The following NTN1 variants were observed in gnomAD, a reference collection of about 807,000 sequenced individuals.
NTN1 encodes netrin 1, also known as netrin-1.
NTN1 carries 11 observed loss-of-function variants against 54.2 expected under a neutral mutation model. The ratio of observed to expected loss-of-function variants is 0.20; its 90% CI spans 0.13 to 0.34. NTN1 has a LOEUF of 0.34. Among genes scored for constraint, NTN1 ranks in the 10% least tolerant of loss-of-function variants. The pLI is 1.00. For missense variants in NTN1, 740 were observed against 893.1 expected (o/e 0.83, Z 2.18); for synonymous variants, 371 against 382.0 (o/e 0.97, Z 0.33).
At chr17:9,081,106 C>A (rs552768337) in intron 2 of NTN1, among the ~76,000 whole-genome samples, 2 of 152,252 alleles carry the variant, frequency 1.3e-5, no homozygotes, top group East Asian at 3.9e-4. Flanking sequence ...TGGGGGCAGT[C>A]TTATGCGACT....
intron 2 of NTN1, among the ~76,000 whole-genome samples, chr17:9,160,362 C>T (rs1475047926): frequency 6.6e-6 from 1 of 152,086 alleles, no homozygotes; most frequent in Non-Finnish European, 1.5e-5. Context: ...ACCTTGGCCT[C>T]TCAAAGTGCT....
intron 6 of NTN1, among the ~76,000 whole-genome samples, chr17:9,223,122 T>C (rs1222863448): frequency 2.0e-5 from 3 of 152,208 alleles, no homozygotes; most frequent in Non-Finnish European, 2.9e-5. Flanking sequence ...TTAAGCTGTA[T>C]ACATCCCAGG....
Position 9,022,722 on chromosome 17 carries a change from C to T in NTN1, c.349C>T (p.Leu117=). 1 of 1,605,254 alleles carries T rather than the reference C, an allele frequency of 6.2e-7. No homozygotes were observed. Among genetic ancestry groups the T allele is most frequent in the Non-Finnish European group, 8.5e-7 (1 of 1,176,682 alleles). Residue 117 remains leucine (L), a synonymous_variant, in exon 2 of 7, where the codon CTG becomes TTG. Coordinates refer to ENST00000173229, the MANE Select transcript of NTN1 (RefSeq NM_004822.3). ...CACCGACCTCAACAACCCGCACAAC[C>T]TGACGTGCTGGCAGTCCGAGAACTA... ...FLTDLNNPHN[L]TCWQSENYLQ...
chr17:9,141,981 A>G (rs2092299297), intron 2 of NTN1, among the ~76,000 whole-genome samples: 1 of 152,120 alleles, frequency 6.6e-6, no homozygotes, highest in South Asian at 2.1e-4. Context: ...TCTACTAAAA[A>G]TACAAAAAAT....
intron 3 of NTN1, among the ~76,000 whole-genome samples, chr17:9,170,479 A>G (rs1197926189): frequency 6.6e-6 from 1 of 152,204 alleles, no homozygotes; most frequent in Non-Finnish European, 1.5e-5. Flanking sequence ...GCTCAGCCCC[A>G]GTGTGGACTT....
Position 9,103,465 on chromosome 17 carries a change from C to T in NTN1, c.1019-59348C>T, listed in dbSNP as rs192882336. On this transcript the variant is annotated intron_variant, in intron 2 of 6. Transcript: ENST00000173229. ...GTTCTCATGATAGTGAGTGAGTTCT[C>T]ATGAGATCTGATGGTTTTATAAGGG... Among the ~76,000 whole-genome samples, 4 of 152,212 alleles carry T rather than the reference C, an allele frequency of 2.6e-5. No homozygotes were observed. In the East Asian group the frequency reaches 5.8e-4, roughly 22 times the overall value.
intron 5 of NTN1, among the ~76,000 whole-genome samples, chr17:9,193,647 G>A (rs1033598265): frequency 6.6e-6 from 1 of 152,294 alleles, no homozygotes; most frequent in East Asian, 1.9e-4. Flanking sequence ...ATGCGGCTGG[G>A]CACGGTGGCT....
intron 2 of NTN1, among the ~76,000 whole-genome samples, chr17:9,095,291 C>G (rs1193598901): frequency 1.3e-5 from 2 of 152,132 alleles, no homozygotes; most frequent in African/African-American, 2.4e-5. Flanking sequence ...ATGCTTTTTA[C>G]TTTTATATAA....
chr17:9,006,615 A>AT, the NTN1 span, among the ~76,000 whole-genome samples: 39 of 152,332 alleles, frequency 2.6e-4, no homozygotes, highest in African/African-American at 8.7e-4. Flanking sequence ...TGCAACATGA[A>AT]TCTTCTTTAT....
At chr17:9,155,923 T>C in intron 2 of NTN1, among the ~76,000 whole-genome samples, 1 of 152,198 alleles carries the variant, frequency 6.6e-6, no homozygotes, top group South Asian at 2.1e-4. Context: ...CACTGCCAGA[T>C]GTCCACTGGG....
chr17:9,167,280 T>C (rs1016602774), intron 3 of NTN1, among the ~76,000 whole-genome samples: 1 of 152,222 alleles, frequency 6.6e-6, no homozygotes, highest in Non-Finnish European at 1.5e-5. Context: ...TTACCATTTG[T>C]CTTCTTTGTG....
intron 2 of NTN1, among the ~76,000 whole-genome samples, chr17:9,085,096 G>A (rs1473815303): frequency 1.3e-5 from 2 of 152,224 alleles, no homozygotes; most frequent in Admixed American, 6.5e-5. Context: ...CTGGTTAGCT[G>A]TAGGCTCATT....
At chr17:9,012,953 A>C in the NTN1 span, among the ~76,000 whole-genome samples, 1 of 152,106 alleles carries the variant, frequency 6.6e-6, no homozygotes, top group African/African-American at 2.4e-5. Flanking sequence ...ATTTCAAGTA[A>C]ATCAGAATGG....
chr17:9,051,846 C>A (rs373400169), intron 2 of NTN1, among the ~76,000 whole-genome samples: 2 of 152,104 alleles, frequency 1.3e-5, no homozygotes, highest in Non-Finnish European at 2.9e-5. Context: ...ATCCATCCCC[C>A]GCTTAATTGA....
intron 5 of NTN1, among the ~76,000 whole-genome samples, chr17:9,195,017 CTG>C (rs1904586115): frequency 6.6e-6 from 1 of 152,120 alleles, no homozygotes; most frequent in Non-Finnish European, 1.5e-5. Context: ...TCACTCTCTG[CTG>C]TCTGTCTCCC....
chr17:9,158,102 T>C (rs1239567204), intron 2 of NTN1, among the ~76,000 whole-genome samples: 1 of 152,212 alleles, frequency 6.6e-6, no homozygotes, highest in Non-Finnish European at 1.5e-5. Context: ...TAAAATACTT[T>C]GCAGAAGTCT....
In NTN1 at chr17:9,239,988, CG is replaced by C; in HGVS notation, c.*23del. 3.5e-4 allele frequency: 2 copies of C among 5,702 alleles called. No individual in the cohort carries two copies. The highest frequency in any genetic ancestry group is 6.9e-4 in the Non-Finnish European group (2 of 2,886). 0.4% of individuals were successfully genotyped at this position (5,702 alleles called of 1,614,324 possible). The stretch of plus-strand genomic sequence containing the variant: ...GCCTAGCGCCGAGGCAGCGGGCGGG[CG>C]GGCGGGCGGGCGCCAGGGCGGGGCC... On this transcript the variant is annotated 3_prime_UTR_variant, in exon 7 of 7. Coordinates refer to ENST00000173229, the MANE Select transcript of NTN1 (RefSeq NM_004822.3). The surrounding 1 kb of genome is among the most constrained non-coding windows in gnomAD (Gnocchi z 5.2).
chr17:9,204,165 C>G (rs1206441500), intron 5 of NTN1, among the ~76,000 whole-genome samples: 9 of 138,802 alleles, frequency 6.5e-5, no homozygotes, highest in African/African-American at 1.5e-4. Context: ...GATAGACCAC[C>G]CTTAGTAACC....
intron 2 of NTN1, among the ~76,000 whole-genome samples, chr17:9,077,617 A>T (rs1033481739): frequency 7.9e-5 from 12 of 152,234 alleles, no homozygotes; most frequent in Non-Finnish European, 1.3e-4. Context: ...ATAACAACAA[A>T]TAAAGTACAC....
Sources: gnomAD v4.1 joint callset for allele counts (sites outside exome capture counted in the v4.1 genomes callset) on GRCh38, gnomAD v4.1.1 for gene constraint, Gnocchi (gnomAD v3.1) non-coding constraint, MANE v1.5 for transcripts, NCBI Gene and HGNC (gene_info 2026-07-23, HGNC 2026-07-21) for gene names.